The following MME variants were observed in gnomAD, a reference collection of about 807,000 sequenced individuals.
MME encodes the protein membrane metalloendopeptidase, also known as neprilysin.
Under a neutral mutation model 113.2 loss-of-function variants are expected in MME, and 98 were observed. The ratio of observed to expected loss-of-function variants is 0.87; its 90% CI spans 0.74 to 1.02. The LOEUF (loss-of-function observed/expected upper bound fraction) is 1.02. Ranked by LOEUF, MME falls within the 50% of genes least tolerant of loss-of-function variation. The pLI is 0.00. For missense variants in MME, 836 were observed against 896.0 expected (o/e 0.93, Z 0.86); for synonymous variants, 292 against 300.6 (o/e 0.97, Z 0.30).
At chr3:155,032,897 A>G (rs185726077) in intron 1 of MME, among the ~76,000 whole-genome samples, 1 of 152,312 alleles carries the variant, frequency 6.6e-6, no homozygotes, top group African/African-American at 2.4e-5. Flanking sequence ...GTTTAACAGA[A>G]TTTCAACCTC....
At chr3:155,033,707 A>T (rs1489665003) in intron 1 of MME, among the ~76,000 whole-genome samples, 1 of 152,156 alleles carries the variant, frequency 6.6e-6, no homozygotes, top group East Asian at 1.9e-4. Flanking sequence ...CAGATTAAAC[A>T]AATAAGAAAA....
chr3:155,159,361 A>G (rs1465893542), intron 16 of MME, among the ~76,000 whole-genome samples: 2 of 152,044 alleles, frequency 1.3e-5, no homozygotes, highest in Non-Finnish European at 2.9e-5. Flanking sequence ...TGAAGCCATT[A>G]GATGATGATC....
chr3:155,055,753 C>T (rs768972847), intron 1 of MME, among the ~76,000 whole-genome samples: 1 of 152,030 alleles, frequency 6.6e-6, no homozygotes, highest in African/African-American at 2.4e-5. Context: ...AGGCACTAGC[C>T]GTGTTCTGTT....
At chr3:155,060,656 A>G (rs543186045) in intron 1 of MME, among the ~76,000 whole-genome samples, 11 of 152,054 alleles carry the variant, frequency 7.2e-5, no homozygotes, top group Non-Finnish European at 7.4e-5. Flanking sequence ...ACCATTTCTC[A>G]CCTCAAAGAA....
At chr3:155,125,444 C>CCT (rs1719562700) in intron 8 of MME, among the ~76,000 whole-genome samples, 1 of 65,286 alleles carries the variant, frequency 1.5e-5, no homozygotes, top group Non-Finnish European at 2.7e-5. Flanking sequence ...GCTCCTCCTC[C>CCT]TTTTTTTTTT....
At chr3:155,041,195 A>C (rs1298627879) in intron 1 of MME, among the ~76,000 whole-genome samples, 6 of 152,088 alleles carry the variant, frequency 3.9e-5, no homozygotes, top group Non-Finnish European at 8.8e-5. Flanking sequence ...TATAATCATC[A>C]GTCTGGTCCA....
intron 1 of MME, among the ~76,000 whole-genome samples, chr3:155,048,949 C>T (rs1044514210): frequency 6.6e-6 from 1 of 152,122 alleles, no homozygotes; most frequent in Admixed American, 6.6e-5. Flanking sequence ...ACCTTCCCTC[C>T]ATTTCAAAAA....
chr3:155,036,592 G>T (rs1233567501), intron 1 of MME, among the ~76,000 whole-genome samples: 1 of 151,962 alleles, frequency 6.6e-6, no homozygotes, highest in African/African-American at 2.4e-5. Context: ...TATATATTAT[G>T]CATATCAGTA....
chr3:155,083,979 A>G lies in MME; in HGVS notation c.-10-179A>G, dbSNP rs1393112512. On this transcript the variant is annotated intron_variant, in intron 1 of 22. Coordinates refer to ENST00000360490, the MANE Select transcript of MME (RefSeq NM_007289.4). ...AAAAGGTTGTGACTGAGACCTGTCAAATTCATTTGGCTCTATATACTTTGC... is the reference window on the plus strand; with the variant it reads ...AAAAGGTTGTGACTGAGACCTGTCAGATTCATTTGGCTCTATATACTTTGC... 3 of 596,476 alleles carry G rather than the reference A, an allele frequency of 5.0e-6. No individual in the cohort carries two copies. In the African/African-American group the frequency reaches 5.6e-5, roughly 11 times the overall value. The allele number at this position is 596,476 out of a possible 1,614,324, so 36.9% of individuals were successfully genotyped here. A position where few individuals can be genotyped will look rare whatever the true frequency, so the allele number is the denominator to read the frequency against.
chr3:155,049,180 G>A (rs1048888703), intron 1 of MME, among the ~76,000 whole-genome samples: 2 of 151,948 alleles, frequency 1.3e-5, no homozygotes, highest in Non-Finnish European at 2.9e-5. Context: ...ATTTACGTCT[G>A]GAAACTCAGA....
At chr3:155,040,517 T>A (rs1713275988) in intron 1 of MME, among the ~76,000 whole-genome samples, 1 of 151,848 alleles carries the variant, frequency 6.6e-6, no homozygotes, top group South Asian at 2.1e-4. Context: ...CATATGTATT[T>A]ATGTATATAT....
intron 8 of MME, among the ~76,000 whole-genome samples, chr3:155,123,431 AT>A (rs1394010841): frequency 6.0e-5 from 5 of 83,772 alleles, no homozygotes; most frequent in African/African-American, 2.3e-4. Context: ...TAAAGTTAAT[AT>A]TGTTATGTGT....
chr3:155,169,995 C>T (rs961070299), intron 20 of MME, among the ~76,000 whole-genome samples: 4 of 152,118 alleles, frequency 2.6e-5, no homozygotes, highest in African/African-American at 9.7e-5. Context: ...TGGGAGATTG[C>T]TGCTACTTTG....
chr3:155,038,632 C>A (rs943571484), intron 1 of MME, among the ~76,000 whole-genome samples: 1 of 152,120 alleles, frequency 6.6e-6, no homozygotes, highest in African/African-American at 2.4e-5. Flanking sequence ...GAATATGCTC[C>A]AAGACCCCCA....
chr3:155,058,925 G>A (rs1190523535), intron 1 of MME, among the ~76,000 whole-genome samples: 2 of 152,022 alleles, frequency 1.3e-5, no homozygotes, highest in African/African-American at 4.8e-5. Context: ...AATTCTCAAG[G>A]AATAAAAAAT....
At chr3:155,092,409 A>G (rs1716373283) in intron 3 of MME, among the ~76,000 whole-genome samples, 2 of 152,220 alleles carry the variant, frequency 1.3e-5, no homozygotes, top group Admixed American at 1.3e-4. Flanking sequence ...ATCTGGATCA[A>G]CATGTTAGAA....
chr3:155,061,883 A>T (rs1325195563), intron 1 of MME, among the ~76,000 whole-genome samples: 2 of 151,566 alleles, frequency 1.3e-5, no homozygotes, highest in Admixed American at 6.6e-5. Context: ...CTGGTTTCGA[A>T]CTCCTGGCCT....
At position 155,127,325 on chromosome 3, in the gene MME, T is replaced by C. The variant is rs529310130; in HGVS notation, c.720+8514T>C. 7.2e-5 allele frequency among the ~76,000 whole-genome samples: 11 copies of C among 152,316 alleles called. No individual in the cohort carries two copies. The South Asian group carries it at 2.3e-3, about 32-fold the overall frequency. On this transcript the variant is annotated intron_variant, in intron 8 of 22. Coordinates refer to ENST00000360490, the MANE Select transcript of MME (RefSeq NM_007289.4). ...TTTTTGCTCTAACATCAACCTCCTC[T>C]GGTGTTTTTCTTAGTCTATTTGGTC...
chr3:155,174,359 TG>T (rs1286585207), intron 22 of MME, among the ~76,000 whole-genome samples: 9 of 145,674 alleles, frequency 6.2e-5, no homozygotes, highest in African/African-American at 2.2e-4. Context: ...TGTGTGTGTG[TG>T]TGTGTGTGTG....
Sources: allele counts gnomAD v4.1 joint callset (sites outside exome capture counted in the v4.1 genomes callset), GRCh38; gene constraint gnomAD v4.1.1; transcripts MANE v1.5; gene names NCBI Gene and HGNC (gene_info 2026-07-23, HGNC 2026-07-21).